The following FAM135B variants were observed in gnomAD, a reference collection of about 807,000 sequenced individuals.
FAM135B encodes the protein protein FAM135B.
Under a neutral mutation model 127.7 loss-of-function variants are expected in FAM135B, and 43 were observed. The ratio of observed to expected loss-of-function variants is 0.34; its 90% CI spans 0.26 to 0.43. FAM135B has a LOEUF of 0.43. Among genes scored for constraint, FAM135B ranks in the 20% least tolerant of loss-of-function variants. The pLI, the probability that FAM135B is intolerant of heterozygous loss-of-function variation, is 1.00. For missense variants in FAM135B, 1,558 were observed against 1,725.6 expected (o/e 0.90, Z 1.72); for synonymous variants, 670 against 665.1 (o/e 1.01, Z -0.11).
intron 3 of FAM135B, among the ~76,000 whole-genome samples, chr8:138,280,681 A>G (rs1367280913): frequency 1.3e-5 from 2 of 152,204 alleles, no homozygotes; most frequent in African/African-American, 2.4e-5. Flanking sequence ...GTGTTACCCA[A>G]AAAAGAATGG....
rs1833062833 is a variant in FAM135B, at chr8:138,399,961, A to G, written c.-19-31959T>C. Among the ~76,000 whole-genome samples the G allele has an allele frequency of 3.3e-5, 5 of 152,334 alleles. 1 individual carries two copies. The South Asian group carries it at 1.0e-3, about 32-fold the overall frequency. ...GGAAGAGCATACCCTTGGCAAGGCT[A>G]TAAGGAGGAGCCATGAATATATATC... is the stretch of plus-strand genomic sequence containing the variant. On this transcript the variant is annotated intron_variant, in intron 1 of 19. Coordinates refer to ENST00000395297, the MANE Select transcript of FAM135B (RefSeq NM_015912.4).
chr8:138,383,176 G>A (rs1831968015), intron 1 of FAM135B, among the ~76,000 whole-genome samples: 1 of 152,204 alleles, frequency 6.6e-6, no homozygotes, highest in South Asian at 2.1e-4. Flanking sequence ...GATGATTCCT[G>A]AGGCTCAGGC....
intron 2 of FAM135B, among the ~76,000 whole-genome samples, chr8:138,316,960 A>T (rs564547621): frequency 6.6e-6 from 1 of 151,670 alleles, no homozygotes; most frequent in South Asian, 2.1e-4. Flanking sequence ...AGCCTGGGGG[A>T]CAGAGCAAGA....
rs921984305 is a variant in FAM135B, at chr8:138,130,311, T to C, written c.*2282A>G. 7.9e-5 allele frequency: 12 copies of C among 152,068 alleles called. No homozygotes were observed. Among genetic ancestry groups the C allele is most frequent in the African/African-American group, 2.7e-4 (11 of 41,420 alleles). 9.4% of individuals were successfully genotyped at this position (152,068 alleles called of 1,614,324 possible). On this transcript the variant is annotated 3_prime_UTR_variant, in exon 20 of 20. Coordinates refer to ENST00000395297, the MANE Select transcript of FAM135B (RefSeq NM_015912.4). ...CATGACACGCAACACTCGACACTCT[T>C]ATTTACAATATAGAGATGTACTTTC...
intron 9 of FAM135B, among the ~76,000 whole-genome samples, chr8:138,193,192 C>T (rs1341089106): frequency 6.6e-6 from 1 of 152,198 alleles, no homozygotes; most frequent in Non-Finnish European, 1.5e-5. Flanking sequence ...CCGATTCCTC[C>T]CACCACTTAC....
At position 138,132,743 on chromosome 8, in the gene FAM135B, C is replaced by G. The variant is rs201744533; in HGVS notation, c.4071G>C (p.Lys1357Asn). The part of the protein sequence containing the change: ...NNLLGPLVEA[K>N]DCTLIRHNVF... ...CGTTGTGTCGGATTAAAGTGCAGTC[C>G]TTGGCTTCAACCAGAGGGCCCAGGA... Residue 1357 changes from lysine (K) to asparagine (N), a missense_variant, in exon 20 of 20, where the codon AAG becomes AAC. Around this residue, in one of 5 missense-constraint regions of FAM135B, gnomAD observed 194 missense variants for 333.8 expected, o/e 0.58. Coordinates refer to ENST00000395297, the MANE Select transcript of FAM135B (RefSeq NM_015912.4). This position sits in a 1 kb window ranked among gnomAD's most constrained non-coding sequence, Gnocchi z 4.5. 1 of 1,614,176 alleles carries G rather than the reference C, an allele frequency of 6.2e-7. No individual in the cohort carries two copies. The highest frequency in any genetic ancestry group is 1.3e-5 in the African/African-American group (1 of 75,036).
At chr8:138,307,453 T>C (rs1826349186) in intron 3 of FAM135B, among the ~76,000 whole-genome samples, 1 of 152,172 alleles carries the variant, frequency 6.6e-6, no homozygotes, top group Non-Finnish European at 1.5e-5. Context: ...ACCCATGCTA[T>C]GAGGGCCCTC....
chr8:138,280,355 A>G (rs927827128), intron 3 of FAM135B, among the ~76,000 whole-genome samples: 1 of 151,644 alleles, frequency 6.6e-6, no homozygotes. Flanking sequence ...AGATTCAACT[A>G]CCAGATGGCC....
chr8:138,392,380 C>G (rs1832627531), intron 1 of FAM135B, among the ~76,000 whole-genome samples: 1 of 152,154 alleles, frequency 6.6e-6, no homozygotes, highest in Non-Finnish European at 1.5e-5. Context: ...GTGAATGAAG[C>G]CAGCAGTTGC....
intron 2 of FAM135B, among the ~76,000 whole-genome samples, chr8:138,315,298 A>G (rs1477410061): frequency 2.0e-5 from 3 of 152,222 alleles, no homozygotes; most frequent in Admixed American, 6.5e-5. Context: ...GACAGTTATC[A>G]TGACAAAGAC....
chr8:138,281,583 T>G (rs1191237660), intron 3 of FAM135B, among the ~76,000 whole-genome samples: 5 of 152,042 alleles, frequency 3.3e-5, no homozygotes, highest in Non-Finnish European at 7.4e-5. Context: ...GTTGTTCCAC[T>G]CCTCCCCCTT....
At chr8:138,494,503 T>C (rs1815312484) in intron 1 of FAM135B, among the ~76,000 whole-genome samples, 1 of 152,110 alleles carries the variant, frequency 6.6e-6, no homozygotes, top group Admixed American at 6.5e-5. Flanking sequence ...AAGCTTCCTA[T>C]AGGAAGGGGC....
chr8:138,466,647 A>G (rs1238021632), intron 1 of FAM135B, among the ~76,000 whole-genome samples: 2 of 152,194 alleles, frequency 1.3e-5, no homozygotes, highest in East Asian at 3.9e-4. Context: ...GTCTTACAAG[A>G]TGAGCAGTAA....
intron 16 of FAM135B, chr8:138,142,752 C>T (rs1483520043): frequency 2.5e-5 from 9 of 355,110 alleles, no homozygotes; most frequent in African/African-American, 1.9e-4. Context: ...GAATTCAAAC[C>T]TAGGAATTTT....
At chr8:138,375,944 T>G (rs1831443541) in intron 1 of FAM135B, among the ~76,000 whole-genome samples, 1 of 152,168 alleles carries the variant, frequency 6.6e-6, no homozygotes, top group African/African-American at 2.4e-5. Context: ...CTTACCCGGT[T>G]GTCTGGGCAT....
chr8:138,185,190 C>A (rs1815436972), intron 9 of FAM135B, among the ~76,000 whole-genome samples: 1 of 152,178 alleles, frequency 6.6e-6, no homozygotes, highest in African/African-American at 2.4e-5. Context: ...CCTAATAAAA[C>A]CTACATCACA....
intron 4 of FAM135B, among the ~76,000 whole-genome samples, chr8:138,260,314 G>C (rs971630525): frequency 6.6e-6 from 1 of 152,188 alleles, no homozygotes; most frequent in African/African-American, 2.4e-5. Flanking sequence ...GAGCCTGTAA[G>C]CCGCTGGGCC....
chr8:138,372,974 G>T (rs760342891), intron 1 of FAM135B, among the ~76,000 whole-genome samples: 5 of 152,154 alleles, frequency 3.3e-5, no homozygotes, highest in Admixed American at 6.5e-5. Context: ...CCTGCCTTGA[G>T]TTTAAATGAC....
At chr8:138,249,160 C>T (rs1821520107) in intron 6 of FAM135B, among the ~76,000 whole-genome samples, 1 of 152,160 alleles carries the variant, frequency 6.6e-6, no homozygotes, top group South Asian at 2.1e-4. Flanking sequence ...CAGATCATGC[C>T]CTTAACTCTG....
Sources: allele counts gnomAD v4.1 joint callset (sites outside exome capture counted in the v4.1 genomes callset), GRCh38; gene constraint gnomAD v4.1.1; regional missense constraint gnomAD v4.1.1; non-coding constraint Gnocchi (gnomAD v3.1); transcripts MANE v1.5; gene names NCBI Gene and HGNC (gene_info 2026-07-23, HGNC 2026-07-21).